THSD7A: variants seen among roughly 807,000 people sequenced by gnomAD.
THSD7A encodes the protein thrombospondin type-1 domain-containing protein 7A.
THSD7A carries 96 observed loss-of-function variants against 231.3 expected under a neutral mutation model. That is an observed-to-expected ratio of 0.41 (90% CI 0.35 to 0.49). THSD7A has a LOEUF of 0.49. THSD7A is among the 20% of genes least tolerant of loss of function. The pLI, the probability that THSD7A is intolerant of heterozygous loss-of-function variation, is 0.05. For synonymous variants in THSD7A, 940 were observed against 743.3 expected (o/e 1.26, Z -4.30); for missense variants, 2,290 against 2,070.2 (o/e 1.11, Z -2.06).
At chr7:11,395,050 G>T (rs1783128225) in intron 23 of THSD7A, among the ~76,000 whole-genome samples, 1 of 152,026 alleles carries the variant, frequency 6.6e-6, no homozygotes, top group Non-Finnish European at 1.5e-5. Flanking sequence ...AAGACCCATT[G>T]GTGGGCTATA....
chr7:11,829,590 C>A (rs541769454), intron 1 of THSD7A, among the ~76,000 whole-genome samples: 1 of 152,196 alleles, frequency 6.6e-6, no homozygotes, highest in African/African-American at 2.4e-5. Flanking sequence ...CAAGCTTACC[C>A]CATTGGAACA....
At chr7:11,652,233 G>T (rs1244471526) in intron 1 of THSD7A, among the ~76,000 whole-genome samples, 1 of 151,622 alleles carries the variant, frequency 6.6e-6, no homozygotes, top group African/African-American at 2.4e-5. Context: ...CAATTAATCA[G>T]GCTGAAGAAA....
At chr7:11,769,153 A>ATATTTTTTTT in intron 1 of THSD7A, among the ~76,000 whole-genome samples, 1 of 27,650 alleles carries the variant, frequency 3.6e-5, no homozygotes. Flanking sequence ...ATATATATAT[A>ATATTTTTTTT]TTTTTTTTTT....
chr7:11,612,799 T>G (rs1234302470), intron 2 of THSD7A, among the ~76,000 whole-genome samples: 4 of 152,194 alleles, frequency 2.6e-5, no homozygotes, highest in African/African-American at 9.6e-5. Flanking sequence ...ACTGGAAGGA[T>G]GATAAGTGGT....
chr7:11,825,909 C>T (rs922141168), intron 1 of THSD7A, among the ~76,000 whole-genome samples: 3 of 152,128 alleles, frequency 2.0e-5, no homozygotes, highest in Non-Finnish European at 4.4e-5. Flanking sequence ...AAGTTTAAAA[C>T]ACTTGTATTG....
intron 1 of THSD7A, among the ~76,000 whole-genome samples, chr7:11,688,763 G>A (rs1450509728): frequency 6.6e-6 from 1 of 151,772 alleles, no homozygotes; most frequent in Non-Finnish European, 1.5e-5. Flanking sequence ...AGGTAATGGA[G>A]GAGGAAGGAA....
At chr7:11,758,040 AT>A (rs1782741579) in intron 1 of THSD7A, among the ~76,000 whole-genome samples, 1 of 126,090 alleles carries the variant, frequency 7.9e-6, no homozygotes, top group Non-Finnish European at 1.8e-5. Flanking sequence ...TATATATATA[AT>A]GTTTCACTTT....
chr7:11,713,035 C>A (rs982472874), intron 1 of THSD7A, among the ~76,000 whole-genome samples: 1 of 151,144 alleles, frequency 6.6e-6, no homozygotes, highest in Non-Finnish European at 1.5e-5. Context: ...CTTCATGTGA[C>A]CATGCATATG....
intron 16 of THSD7A, among the ~76,000 whole-genome samples, chr7:11,422,138 C>T (rs916150576): frequency 6.6e-6 from 1 of 152,090 alleles, no homozygotes; most frequent in African/African-American, 2.4e-5. Context: ...AGTGTATTTT[C>T]TGCATAGATT....
In THSD7A at chr7:11,435,073, TA is replaced by T. The variant is rs1784590294; in HGVS notation, c.3065-5949del. ...TGTATTCATATCTGCTAAGTATTTA[TA>T]AATTTTCACAGAAAATTTCAATATC... On this transcript the variant is annotated intron_variant, in intron 13 of 27. Transcript: ENST00000423059. 2.0e-5 allele frequency among the ~76,000 whole-genome samples: 3 copies of T among 152,156 alleles called. No individual in the cohort carries two copies. In the South Asian group the frequency reaches 6.2e-4, roughly 32 times the overall value.
At chr7:11,756,149 T>C (rs1782667126) in intron 1 of THSD7A, among the ~76,000 whole-genome samples, 4 of 152,108 alleles carry the variant, frequency 2.6e-5, no homozygotes. Context: ...TTTTATACTT[T>C]CTCTTTCTGT....
intron 23 of THSD7A, among the ~76,000 whole-genome samples, chr7:11,391,115 A>C (rs565177739): frequency 6.6e-6 from 1 of 152,352 alleles, no homozygotes; most frequent in African/African-American, 2.4e-5. Context: ...AGCAGAGATC[A>C]AATGCTGTGC....
intron 23 of THSD7A, 94 bp downstream of exon 23, chr7:11,401,701 C>G: frequency 8.2e-7 from 1 of 1,216,786 alleles, no homozygotes; most frequent in Non-Finnish European, 1.1e-6. Context: ...CGTGAGCCAC[C>G]GCACGTGGCC....
intron 1 of THSD7A, among the ~76,000 whole-genome samples, chr7:11,690,077 T>C (rs1780187180): frequency 1.3e-5 from 2 of 151,770 alleles, no homozygotes. Context: ...CACTTCAAAT[T>C]CCTCTGCTAA....
At chr7:11,491,235 C>A (rs10486137) in intron 6 of THSD7A, among the ~76,000 whole-genome samples, 1 of 151,936 alleles carries the variant, frequency 6.6e-6, no homozygotes, top group African/African-American at 2.4e-5. Flanking sequence ...AGCTAACTTA[C>A]GTAATTTTTG....
At chr7:11,507,602 T>G (rs1169321761) in intron 6 of THSD7A, among the ~76,000 whole-genome samples, 1 of 51,170 alleles carries the variant, frequency 2.0e-5, no homozygotes, top group Admixed American at 1.8e-4. Flanking sequence ...ATAATGTGTG[T>G]TTTTTTTTTT....
At chr7:11,666,836 T>C (rs1272735128) in intron 1 of THSD7A, among the ~76,000 whole-genome samples, 2 of 151,958 alleles carry the variant, frequency 1.3e-5, no homozygotes, top group Non-Finnish European at 2.9e-5. Flanking sequence ...ATAATTTAGC[T>C]AAAGGAGACA....
intron 23 of THSD7A, among the ~76,000 whole-genome samples, chr7:11,400,619 AC>A (rs1209595030): frequency 2.8e-4 from 42 of 152,064 alleles, no homozygotes; most frequent in Admixed American, 2.0e-4. Context: ...TTTACTCTTT[AC>A]TTATCCTATG....
chr7:11,538,157 T>C (rs1157600057), intron 6 of THSD7A, among the ~76,000 whole-genome samples: 1 of 152,150 alleles, frequency 6.6e-6, no homozygotes, highest in Non-Finnish European at 1.5e-5. Flanking sequence ...TTTGCTAATG[T>C]GGGGAAAAGA....
Sources: allele counts gnomAD v4.1 joint callset (sites outside exome capture counted in the v4.1 genomes callset), GRCh38; gene constraint gnomAD v4.1.1; transcripts MANE v1.5; gene names NCBI Gene and HGNC (gene_info 2026-07-23, HGNC 2026-07-21).